HOXC6: variants seen among roughly 807,000 people sequenced by gnomAD.
HOXC6 encodes homeobox C6.
A neutral mutation model predicts 24.0 loss-of-function variants in HOXC6; 10 were observed. The ratio of observed to expected loss-of-function variants is 0.42; its 90% CI spans 0.26 to 0.71. The LOEUF is 0.71. Ranked by LOEUF, HOXC6 falls within the 30% of genes least tolerant of loss-of-function variation. HOXC6 has a pLI of 0.28. For missense variants in HOXC6, 258 were observed against 303.4 expected, an observed-to-expected ratio of 0.85 and a Z score of 1.11; for synonymous variants, 123 against 128.1, an observed-to-expected ratio of 0.96 and a Z score of 0.27.
At position 54,028,822 on chromosome 12, in the gene HOXC6, G is replaced by T; in HGVS notation, c.301G>T (p.Ala101Ser). The T allele has an allele frequency of 6.2e-7, 1 of 1,614,056 alleles. No individual in the cohort carries two copies. Among genetic ancestry groups the T allele is most frequent in the South Asian group, 1.1e-5 (1 of 91,062 alleles). The change falls in exon 1 of 2, where the codon GCT becomes TCT. Residue 101 changes from alanine (A) to serine (S), a missense_variant. Coordinates refer to ENST00000243108, the MANE Select transcript of HOXC6 (RefSeq NM_004503.4). The stretch of plus-strand genomic sequence containing the variant: ...AGGACATAACACACAGACCTCAATC[G>T]CTCAGGATTTTAGTTCTGAGCAGGG... ...TLGHNTQTSI[A>S]QDFSSEQGRT...
intron 1 of HOXC6, chr12:54,020,538 A>G (rs992960248): frequency 6.6e-5 from 10 of 152,218 alleles, no homozygotes; most frequent in Non-Finnish European, 1.3e-4. Context: ...GGAGTGTTAT[A>G]TATTTATTAT....
intron 1 of HOXC6, 57 bp downstream of exon 1, chr12:54,028,978 G>C: frequency 6.6e-7 from 1 of 1,508,674 alleles, no homozygotes; most frequent in South Asian, 1.3e-5. Context: ...TTTATGACCG[G>C]CTTCCCTAGA....
upstream of HOXC6, among the ~76,000 whole-genome samples, chr12:54,025,488 A>T (rs1395378888): frequency 2.7e-5 from 4 of 146,198 alleles, no homozygotes; most frequent in Non-Finnish European, 6.0e-5. Context: ...TCTAAGAGAA[A>T]GAAGAGGGCT....
rs771424142 is a variant in HOXC6 at position 54,028,860 on chromosome 12, C to T, written c.339C>T (p.Pro113=). 1.9e-6 allele frequency: 3 copies of T among 1,613,984 alleles called. No homozygotes were observed. Among genetic ancestry groups the T allele is most frequent in the South Asian group, 2.2e-5 (2 of 91,082 alleles). Residue 113 remains proline (P), a synonymous_variant, in exon 1 of 2, where the codon CCC becomes CCT. Transcript: ENST00000243108. ...GTTCTGAGCAGGGCAGGACTGCGCC[C>T]CAGGACCAGAAAGCCAGTATCCAGA... is the stretch of plus-strand genomic sequence containing the variant. ...DFSSEQGRTA[P]QDQKASIQIY...
chr12:54,028,730 A>C lies in HOXC6; in HGVS notation c.209A>C (p.Tyr70Ser). 1 of 1,614,076 alleles carries C rather than the reference A, an allele frequency of 6.2e-7. No homozygotes were observed. The highest frequency in any genetic ancestry group is 8.5e-7 in the Non-Finnish European group (1 of 1,180,008). Residue 70 changes from tyrosine (Y) to serine (S), a missense_variant, in exon 1 of 2, where the codon TAT (tyrosine) becomes TCT (serine). By Grantham distance (144) the Tyr-to-Ser change is moderately radical (BLOSUM62 -2). Transcript: ENST00000243108. ...GTGTTCAGTTCCAGCCGGGGGCCGT[A>C]TGACTATGGATCTAATTCCTTTTAC... ...NVVFSSSRGP[Y>S]DYGSNSFYQE...
upstream of HOXC6, among the ~76,000 whole-genome samples, chr12:54,025,527 TGGGG>T (rs999135770): frequency 5.5e-4 from 7 of 12,664 alleles, no homozygotes; most frequent in East Asian, 0.022. Context: ...GAAAGGTAAT[TGGGG>T]GGGGGGGAGG....
At chr12:54,026,946 C>G (rs1032906630), upstream of HOXC6, among the ~76,000 whole-genome samples, 1 of 137,734 alleles carries the variant, frequency 7.3e-6, no homozygotes, top group Non-Finnish European at 1.6e-5. Context: ...TCCCCCCCCC[C>G]AACCCACCCA....
At chr12:54,024,885 A>G (rs989684410), upstream of HOXC6, among the ~76,000 whole-genome samples, 1 of 152,238 alleles carries the variant, frequency 6.6e-6, no homozygotes, top group Non-Finnish European at 1.5e-5. Flanking sequence ...AGCGCTATCA[A>G]AAGCATGTGT....
chr12:54,022,412 T>C (rs1056393580), intron 1 of HOXC6: 2 of 152,136 alleles, frequency 1.3e-5, no homozygotes, highest in African/African-American at 4.8e-5. Context: ...GTCAGATAGT[T>C]GGCTTTTGGC....
chr12:54,026,914 G>A (rs1255969458), upstream of HOXC6, among the ~76,000 whole-genome samples: 1 of 151,844 alleles, frequency 6.6e-6, no homozygotes, highest in Non-Finnish European at 1.5e-5. Flanking sequence ...GGCGACATCC[G>A]GGTTCTTGTT....
upstream of HOXC6, among the ~76,000 whole-genome samples, chr12:54,026,129 G>C (rs1294063290): frequency 6.6e-6 from 1 of 152,066 alleles, no homozygotes; most frequent in Non-Finnish European, 1.5e-5. Flanking sequence ...ATTGGAGGGG[G>C]GGACAGAGTT....
intron 1 of HOXC6, among the ~76,000 whole-genome samples, chr12:54,029,125 C>T (rs1458254604): frequency 5.9e-5 from 9 of 151,856 alleles, no homozygotes; most frequent in Admixed American, 5.9e-4. Context: ...TGGCCCCTGA[C>T]GGATTGGAGG....
chr12:54,026,853 A>G (rs775414163), upstream of HOXC6, among the ~76,000 whole-genome samples: 12 of 151,934 alleles, frequency 7.9e-5, no homozygotes, highest in Non-Finnish European at 1.6e-4. Context: ...CTTTATTGCT[A>G]CCCATTGATT....
In HOXC6 at chr12:54,029,645, G is replaced by A; in HGVS notation, c.401-10G>A. 1.2e-6 allele frequency: 2 copies of A among 1,608,426 alleles called. No homozygotes were observed. The highest frequency in any genetic ancestry group is 1.7e-6 in the Non-Finnish European group (2 of 1,176,048). ...ATTGCTTTTAGTGTGTTTTGTGCCC[G>A]GATCTTTAGGGGTCGGCTACGGAGC... is the stretch of plus-strand genomic sequence containing the variant. On this transcript the variant is annotated splice_polypyrimidine_tract_variant and intron_variant, in intron 1 of 1. Transcript: ENST00000243108.
At chr12:54,023,208 G>T (rs1797183349) in intron 1 of HOXC6, among the ~76,000 whole-genome samples, 1 of 152,178 alleles carries the variant, frequency 6.6e-6, no homozygotes, top group Non-Finnish European at 1.5e-5. Context: ...AGCCAGAAAT[G>T]ATTTTTTCCA....
chr12:54,023,991 A>G (rs1176214694), upstream of HOXC6, among the ~76,000 whole-genome samples: 1 of 152,220 alleles, frequency 6.6e-6, no homozygotes, highest in East Asian at 1.9e-4. Context: ...TACACAAAAC[A>G]CCAGGCATTT....
intron 1 of HOXC6, 24 bp from the exon 2 acceptor site, chr12:54,029,631 T>A (rs760440415): frequency 5.0e-6 from 8 of 1,603,732 alleles, no homozygotes; most frequent in Non-Finnish European, 6.8e-6. Context: ...TTGCTTTTAG[T>A]GTGTTTTGTG....
chr12:54,020,231 G>A (rs1378820203), intron 1 of HOXC6: 2 of 152,308 alleles, frequency 1.3e-5, no homozygotes, highest in African/African-American at 2.4e-5. Flanking sequence ...CTGGCTCAAG[G>A]ACTCTGCACA....
At chr12:54,018,598 A>T (rs1592218953) in intron 1 of HOXC6, among the ~76,000 whole-genome samples, 1 of 152,180 alleles carries the variant, frequency 6.6e-6, no homozygotes, top group Admixed American at 6.5e-5. Context: ...AATTTCTTCC[A>T]AATGTACGTG....
Sources: allele counts gnomAD v4.1 joint callset (sites outside exome capture counted in the v4.1 genomes callset), GRCh38; gene constraint gnomAD v4.1.1; transcripts MANE v1.5; gene names NCBI Gene and HGNC (gene_info 2026-07-23, HGNC 2026-07-21).